POM121: variants seen among roughly 807,000 people sequenced by gnomAD.
The protein encoded by POM121 is POM121 transmembrane nucleoporin, also known as nuclear envelope pore membrane protein POM 121.
A neutral mutation model predicts 81.3 loss-of-function variants in POM121; 32 were observed. The observed-to-expected ratio is 0.39, with a 90% CI of 0.30 to 0.53. The LOEUF (loss-of-function observed/expected upper bound fraction) is 0.53, where lower values mean the gene tolerates loss of function less well. Among genes scored for constraint, POM121 ranks in the 20% least tolerant of loss-of-function variants. The pLI is 0.66. For synonymous variants in POM121, 514 were observed against 694.2 expected, an observed-to-expected ratio of 0.74 and a Z score of 4.08; for missense variants, 1,138 against 1,614.6, an observed-to-expected ratio of 0.70 and a Z score of 5.06.
At chr7:72,926,069 G>C (rs1253827319) in intron 1 of POM121, among the ~76,000 whole-genome samples, 193 bp from the exon 2 acceptor site, 1 of 152,182 alleles carries the variant, frequency 6.6e-6, no homozygotes, top group African/African-American at 2.4e-5. Flanking sequence ...TGTTGAGACA[G>C]CTGTTAAGCA....
At position 72,925,668 on chromosome 7, in the gene POM121, C is replaced by T; in HGVS notation, c.547C>T (p.Arg183Cys). The T allele has an allele frequency of 8.8e-7, 1 of 1,134,876 alleles. No individual in the cohort carries two copies. The highest frequency in any genetic ancestry group is 1.1e-6 in the Non-Finnish European group (1 of 914,658). 70.3% of individuals were successfully genotyped at this position (1,134,876 alleles called of 1,614,324 possible). A position where few individuals can be genotyped will look rare whatever the true frequency, so the allele number is the denominator to read the frequency against. ...CCCACCGCCGCGCTCCCCACCGCCG[C>T]GCTCCCCCCCGCCCTCCCCGCCGAC... Reference protein sequence around the residue: ...RSPPPRSPPPRSPPPSPPTHR... With the variant: ...RSPPPRSPPPCSPPPSPPTHR... Residue 183 changes from arginine (R) to cysteine (C), a missense_variant, in exon 1 of 13, where the codon CGC becomes TGC. Physicochemically the swap from Arg to Cys is radical, Grantham distance 180. This residue lies in a region of POM121 where 646 missense variants were observed against 633.5 expected (regional missense o/e 1.02). Transcript: ENST00000434423.
chr7:72,948,748 C>T (rs782260592), downstream of POM121: 25 of 1,570,270 alleles, frequency 1.6e-5, no homozygotes, highest in South Asian at 2.7e-4. Flanking sequence ...GGAGGCAGTG[C>T]TCGGCACCCG....
chr7:72,927,073 G>T lies in POM121; in HGVS notation c.1022+110G>T. 15 of 1,544,008 alleles carry T rather than the reference G, an allele frequency of 9.7e-6. No individual in the cohort carries two copies. In the South Asian group the frequency reaches 1.6e-4, roughly 17 times the overall value. On this transcript the variant is annotated intron_variant, in intron 3 of 12. Transcript: ENST00000434423. ...GGCCATCTCCAGTTTATGAGCCTTC[G>T]TAGGCCCCCTTCTTTGGCTTACATG...
At chr7:72,925,905 T>TTAA in intron 1 of POM121, 140 bp downstream of exon 1, 1 of 1,095,940 alleles carries the variant, frequency 9.1e-7, no homozygotes, top group Non-Finnish European at 1.2e-6. Context: ...CACCTTGGTG[T>TTAA]GTGCCAGCTG....
chr7:72,893,207 C>T (rs533944980), intron 3 of POM121, among the ~76,000 whole-genome samples: 27 of 152,074 alleles, frequency 1.8e-4, no homozygotes, highest in Non-Finnish European at 3.1e-4. Flanking sequence ...GATCTGCCCA[C>T]CTCAGCTTTC....
At chr7:72,907,997 A>T (rs1554493712) in intron 3 of POM121, among the ~76,000 whole-genome samples, 1 of 152,118 alleles carries the variant, frequency 6.6e-6, no homozygotes, top group Non-Finnish European at 1.5e-5. Flanking sequence ...TATGATACAG[A>T]TTGGATCATT....
intron 3 of POM121, among the ~76,000 whole-genome samples, chr7:72,908,976 G>A (rs1793549346): frequency 1.3e-5 from 2 of 152,204 alleles, no homozygotes; most frequent in Non-Finnish European, 2.9e-5. Flanking sequence ...GGGATTAAGA[G>A]ATTAAAGACA....
intron 5 of POM121, among the ~76,000 whole-genome samples, chr7:72,931,574 CTTT>C (rs782387745): frequency 4.3e-5 from 6 of 139,278 alleles, no homozygotes; most frequent in Non-Finnish European, 1.6e-5. Context: ...CACGCAATTT[CTTT>C]TTTTTTTTTT....
chr7:72,915,110 C>T (rs1197607468), intron 4 of POM121, among the ~76,000 whole-genome samples: 1 of 152,192 alleles, frequency 6.6e-6, no homozygotes, highest in Non-Finnish European at 1.5e-5. Context: ...TCAATACAAA[C>T]TTTAGGTAGC....
downstream of POM121, chr7:72,948,471 G>C (rs2129581412): frequency 3.1e-6 from 5 of 1,613,512 alleles, no homozygotes; most frequent in Non-Finnish European, 4.2e-6. Flanking sequence ...GAAGGAGTGA[G>C]CCCGGAGCCT....
upstream of POM121, among the ~76,000 whole-genome samples, chr7:72,924,120 G>A (rs1329386896): frequency 2.7e-5 from 4 of 149,622 alleles, no homozygotes; most frequent in Admixed American, 6.7e-5. Context: ...TTTTTTTTTG[G>A]TATTTTTATT....
At position 72,945,595 on chromosome 7, in the gene POM121, C is replaced by T. The variant is rs376681072; in HGVS notation, c.3539C>T (p.Thr1180Ile). 5 of 1,613,244 alleles carry T rather than the reference C, an allele frequency of 3.1e-6. No homozygotes were observed. The highest frequency in any genetic ancestry group is 1.3e-5 in the African/African-American group (1 of 74,892). The change falls in exon 12 of 13, where the codon ACC becomes ATC. Residue 1180 changes from threonine (T) to isoleucine (I), a missense_variant. Physicochemically the swap from Thr to Ile is moderately conservative, Grantham distance 89. Around this residue, in one of 7 missense-constraint regions of POM121, gnomAD observed 336 missense variants for 344.3 expected, o/e 0.98. Coordinates refer to ENST00000434423, the MANE Select transcript of POM121 (RefSeq NM_001387691.1). ...ESKPVFGGTA[T>I]PTFGLNTPAP... is the part of the protein sequence containing the mutation. Reference sequence around the variant, plus strand: ...GTTCTCTTCATTCCAGGCACCGCCACCCCCACCTTTGGTCTGAACACCCCT... The same window carrying T: ...GTTCTCTTCATTCCAGGCACCGCCATCCCCACCTTTGGTCTGAACACCCCT...
intron 3 of POM121, among the ~76,000 whole-genome samples, chr7:72,899,830 C>T (rs1382147226): frequency 2.6e-5 from 4 of 151,822 alleles, no homozygotes; most frequent in South Asian, 2.1e-4. Flanking sequence ...CCACCCACCT[C>T]GGCCTCCCAA....
intron 5 of POM121, among the ~76,000 whole-genome samples, chr7:72,937,529 C>T (rs1422614365): frequency 6.6e-6 from 1 of 152,050 alleles, no homozygotes; most frequent in Non-Finnish European, 1.5e-5. Flanking sequence ...ATGGTGGCCT[C>T]ACTGAACTGT....
At chr7:72,932,870 G>A (rs1434996610) in intron 5 of POM121, among the ~76,000 whole-genome samples, 1 of 151,464 alleles carries the variant, frequency 6.6e-6, no homozygotes, top group Non-Finnish European at 1.5e-5. Context: ...TAGCCAACAT[G>A]GTGAAATCCT....
intron 3 of POM121, among the ~76,000 whole-genome samples, chr7:72,904,531 A>G (rs1793041284): frequency 6.6e-6 from 1 of 152,194 alleles, no homozygotes; most frequent in Non-Finnish European, 1.5e-5. Context: ...TGCTTTGAGA[A>G]TAAGGTCTGC....
chr7:72,931,680 C>T (rs1554498632), intron 5 of POM121, among the ~76,000 whole-genome samples: 1 of 151,798 alleles, frequency 6.6e-6, no homozygotes, highest in African/African-American at 2.4e-5. Flanking sequence ...AAGCGATTCT[C>T]CTGCCTCAGC....
At chr7:72,881,883 A>G (rs1790192949) in intron 1 of POM121, among the ~76,000 whole-genome samples, 1 of 152,190 alleles carries the variant, frequency 6.6e-6, no homozygotes, top group South Asian at 2.1e-4. Flanking sequence ...CTCCTGCCTC[A>G]GCCTCCCAAA....
chr7:72,917,788 G>A (rs530884367), intron 4 of POM121, among the ~76,000 whole-genome samples: 121 of 152,272 alleles, frequency 7.9e-4, no homozygotes, highest in African/African-American at 2.7e-3. Flanking sequence ...AGCTGGGCCC[G>A]GGGGACCACT....
Sources: gnomAD v4.1 joint callset for allele counts (sites outside exome capture counted in the v4.1 genomes callset) on GRCh38, gnomAD v4.1.1 for gene constraint, gnomAD v4.1.1 regional missense constraint, MANE v1.5 for transcripts, NCBI Gene and HGNC (gene_info 2026-07-23, HGNC 2026-07-21) for gene names.